GALNT13: variants seen among roughly 807,000 people sequenced by gnomAD.
GALNT13 encodes UDP-GalNAc:polypeptide N-acetylgalactosaminyltransferase 13.
GALNT13 carries 28 observed loss-of-function variants against 64.2 expected under a neutral mutation model. The observed-to-expected ratio is 0.44, with a 90% CI of 0.32 to 0.60. The LOEUF (loss-of-function observed/expected upper bound fraction) is 0.60. Ranked by LOEUF, GALNT13 falls within the 20% of genes least tolerant of loss-of-function variation. The pLI is 0.05. For missense variants in GALNT13, 577 were observed against 669.8 expected (o/e 0.86, Z 1.53); for synonymous variants, 214 against 224.6 (o/e 0.95, Z 0.42).
the GALNT13 span, among the ~76,000 whole-genome samples, chr2:153,452,122 C>G: frequency 6.6e-6 from 1 of 152,304 alleles, no homozygotes; most frequent in East Asian, 1.9e-4. Flanking sequence ...AGTGTTTACA[C>G]TTTCAGCACT....
the GALNT13 span, among the ~76,000 whole-genome samples, chr2:153,258,623 C>T: frequency 6.6e-6 from 1 of 152,172 alleles, no homozygotes; most frequent in East Asian, 1.9e-4. Flanking sequence ...GAACTGCTTT[C>T]AGTGCATCTC....
At chr2:154,432,427 C>T (rs1700753078) in intron 11 of GALNT13, among the ~76,000 whole-genome samples, 1 of 152,026 alleles carries the variant, frequency 6.6e-6, no homozygotes, top group South Asian at 2.1e-4. Context: ...ACACTTCAAC[C>T]AGCATGAGGA....
chr2:153,585,093 C>T, the GALNT13 span, among the ~76,000 whole-genome samples: 5 of 152,110 alleles, frequency 3.3e-5, no homozygotes. Context: ...ATTTGAAATA[C>T]CAGTTAAAGA....
the GALNT13 span, among the ~76,000 whole-genome samples, chr2:153,604,002 C>A: frequency 6.6e-6 from 1 of 152,000 alleles, no homozygotes; most frequent in African/African-American, 2.4e-5. Flanking sequence ...TTTCAGTATT[C>A]CGTTTCATTA....
the GALNT13 span, among the ~76,000 whole-genome samples, chr2:153,791,943 GA>G: frequency 3.9e-5 from 6 of 152,130 alleles, no homozygotes; most frequent in East Asian, 7.7e-4. Context: ...GGGAGGATTA[GA>G]AAAAATAGCT....
chr2:153,225,207 ATAAAT>A, the GALNT13 span, among the ~76,000 whole-genome samples: 2 of 152,214 alleles, frequency 1.3e-5, no homozygotes, highest in Non-Finnish European at 1.5e-5. Flanking sequence ...TTGCATATCA[ATAAAT>A]TAAAGAAGAA....
At chr2:153,198,257 A>G in the GALNT13 span, among the ~76,000 whole-genome samples, 98 of 152,240 alleles carry the variant, frequency 6.4e-4, no homozygotes, top group African/African-American at 2.1e-3. Context: ...CTCTGAAGCC[A>G]GTGCTCTTAT....
the GALNT13 span, among the ~76,000 whole-genome samples, chr2:153,262,877 T>G: frequency 6.6e-6 from 1 of 152,076 alleles, no homozygotes; most frequent in East Asian, 1.9e-4. Context: ...AGCATTCCAC[T>G]TGAAAACTGG....
chr2:153,423,827 T>A, the GALNT13 span, among the ~76,000 whole-genome samples: 1 of 151,506 alleles, frequency 6.6e-6, no homozygotes, highest in African/African-American at 2.4e-5. Context: ...ATAACAAATA[T>A]ATGAGTTCTT....
chr2:153,663,554 C>T, the GALNT13 span, among the ~76,000 whole-genome samples: 1 of 152,260 alleles, frequency 6.6e-6, no homozygotes, highest in East Asian at 1.9e-4. Flanking sequence ...CAGTGATTGA[C>T]GTTTTGAGTG....
the GALNT13 span, among the ~76,000 whole-genome samples, chr2:153,676,481 TGAAGAG>T: frequency 6.6e-6 from 1 of 151,956 alleles, no homozygotes; most frequent in Non-Finnish European, 1.5e-5. Flanking sequence ...TCCAAAAAAT[TGAAGAG>T]GAGGAATTCC....
the GALNT13 span, among the ~76,000 whole-genome samples, chr2:153,356,786 CCTCT>C: frequency 0.028 from 921 of 32,796 alleles, 132 homozygotes; most frequent in African/African-American, 0.061. Flanking sequence ...TTTTCTTCTT[CCTCT>C]TTTTTTTTTT....
At position 154,022,825 on chromosome 2, in the gene GALNT13, G is replaced by A. The variant is rs552922014; in HGVS notation, c.142+78186G>A. The stretch of plus-strand genomic sequence containing the variant: ...TGGGATCTTTCCTGCTTTCTCTTGT[G>A]GGCATTTAGTGCTATAAATTTCCCT... On this transcript the variant is annotated intron_variant, in intron 3 of 12. Transcript: ENST00000392825. 2.1e-5 allele frequency among the ~76,000 whole-genome samples: 3 copies of A among 141,816 alleles called. No individual in the cohort carries two copies. The East Asian group carries it at 6.0e-4, about 28-fold the overall frequency. 93.0% of individuals were successfully genotyped at this position (141,816 alleles called of 152,430 possible).
chr2:153,239,656 T>C, the GALNT13 span, among the ~76,000 whole-genome samples: 51 of 152,214 alleles, frequency 3.4e-4, 1 homozygote, highest in African/African-American at 1.2e-3. Flanking sequence ...TGAACTATTC[T>C]TGTATTCCTT....
At chr2:153,597,480 C>T in the GALNT13 span, among the ~76,000 whole-genome samples, 1 of 152,004 alleles carries the variant, frequency 6.6e-6, no homozygotes, top group Admixed American at 6.6e-5. Flanking sequence ...TAAAAAAATT[C>T]ACTCAAAATG....
the GALNT13 span, among the ~76,000 whole-genome samples, chr2:153,089,225 C>T: frequency 6.6e-6 from 1 of 152,142 alleles, no homozygotes; most frequent in African/African-American, 2.4e-5. Flanking sequence ...CTCTCCTTCA[C>T]TTATGAGGCT....
At chr2:153,914,109 T>A (rs1413328871) in intron 2 of GALNT13, among the ~76,000 whole-genome samples, 2 of 152,208 alleles carry the variant, frequency 1.3e-5, no homozygotes, top group Admixed American at 1.3e-4. Flanking sequence ...CTTAACACTT[T>A]CAAAATCTTA....
chr2:154,362,401 C>T (rs555784648), intron 9 of GALNT13, among the ~76,000 whole-genome samples: 4 of 152,084 alleles, frequency 2.6e-5, no homozygotes, highest in Non-Finnish European at 5.9e-5. Context: ...TCATCTCTCT[C>T]TCTCCCCCAC....
the GALNT13 span, among the ~76,000 whole-genome samples, chr2:153,765,230 G>T: frequency 1.3e-5 from 2 of 152,202 alleles, no homozygotes; most frequent in African/African-American, 4.8e-5. Flanking sequence ...ACCTGGAAAA[G>T]CTGCAGACAA....
Sources: allele counts gnomAD v4.1 joint callset (sites outside exome capture counted in the v4.1 genomes callset), GRCh38; gene constraint gnomAD v4.1.1; transcripts MANE v1.5; gene names NCBI Gene and HGNC (gene_info 2026-07-23, HGNC 2026-07-21).